Variants in ADGRL3 observed in about 807,000 individuals in gnomAD.
The protein encoded by ADGRL3 is adhesion G protein-coupled receptor L3, also known as calcium-independent alpha-latrotoxin receptor 3.
ADGRL3 carries 62 observed loss-of-function variants against 153.5 expected under a neutral mutation model. The observed-to-expected ratio is 0.40, with a 90% confidence interval of 0.33 to 0.50. The LOEUF is 0.50. Ranked by LOEUF, ADGRL3 falls within the 20% of genes least tolerant of loss-of-function variation. ADGRL3 has a pLI of 0.47. For missense variants in ADGRL3, 1,641 were observed against 1,859.4 expected, an observed-to-expected ratio of 0.88 and a Z score of 2.16; for synonymous variants, 710 against 672.5, an observed-to-expected ratio of 1.06 and a Z score of -0.86.
chr4:61,803,280 A>T (rs926907201), intron 8 of ADGRL3, among the ~76,000 whole-genome samples: 1 of 152,152 alleles, frequency 6.6e-6, no homozygotes, highest in African/African-American at 2.4e-5. Flanking sequence ...TTAATAGTGA[A>T]ATTCTAAACT....
At chr4:61,680,193 T>C (rs1497899) in intron 6 of ADGRL3, among the ~76,000 whole-genome samples, 53,702 of 151,748 alleles carry the variant, frequency 0.35, 9,996 homozygotes, top group East Asian at 0.53. Context: ...GTGAGGGAAA[T>C]TTCAGACTTA....
chr4:61,773,585 A>C (rs1276193386), intron 8 of ADGRL3, among the ~76,000 whole-genome samples: 2 of 152,200 alleles, frequency 1.3e-5, no homozygotes, highest in Non-Finnish European at 2.9e-5. Flanking sequence ...CGTTGCAGGT[A>C]CTGTGCTTAT....
chr4:62,025,173 T>C (rs1166871026), intron 21 of ADGRL3, among the ~76,000 whole-genome samples: 5 of 152,156 alleles, frequency 3.3e-5, no homozygotes, highest in African/African-American at 1.2e-4. Flanking sequence ...CTAATCTAGC[T>C]ATGCTATCTT....
At chr4:61,359,674 A>C (rs1407594525) in intron 1 of ADGRL3, among the ~76,000 whole-genome samples, 7 of 152,178 alleles carry the variant, frequency 4.6e-5, no homozygotes, top group Admixed American at 6.5e-5. Flanking sequence ...TGTAAATTTT[A>C]CATGCACTTT....
intron 5 of ADGRL3, among the ~76,000 whole-genome samples, chr4:61,669,779 C>G (rs2094929186): frequency 6.6e-6 from 1 of 152,214 alleles, no homozygotes; most frequent in East Asian, 1.9e-4. Context: ...ACAAGGCACT[C>G]TTTTTTAACA....
chr4:61,369,813 C>T (rs2096484848), intron 1 of ADGRL3, among the ~76,000 whole-genome samples: 1 of 151,982 alleles, frequency 6.6e-6, no homozygotes, highest in African/African-American at 2.4e-5. Flanking sequence ...GGTACCAGTT[C>T]CTCCTTGTAC....
intron 17 of ADGRL3, among the ~76,000 whole-genome samples, chr4:61,962,719 C>A (rs2098992543): frequency 6.6e-6 from 1 of 152,082 alleles, no homozygotes; most frequent in African/African-American, 2.4e-5. Context: ...GAATTTGGAT[C>A]ACTTGGTTAA....
intron 9 of ADGRL3, among the ~76,000 whole-genome samples, chr4:61,831,343 A>G (rs2097865364): frequency 6.7e-6 from 1 of 150,216 alleles, no homozygotes; most frequent in Non-Finnish European, 1.5e-5. Flanking sequence ...TAAAGAAACC[A>G]TGCATTTTGG....
intron 4 of ADGRL3, among the ~76,000 whole-genome samples, chr4:61,528,394 T>G (rs2098588011): frequency 1.3e-5 from 2 of 152,224 alleles, no homozygotes; most frequent in Middle Eastern, 6.8e-3. Flanking sequence ...TATCTGTTTT[T>G]CTCCTTGGAC....
At chr4:61,959,753 T>G (rs2098980819) in intron 17 of ADGRL3, among the ~76,000 whole-genome samples, 1 of 152,142 alleles carries the variant, frequency 6.6e-6, no homozygotes, top group Admixed American at 6.6e-5. Context: ...TTTAAGAAAT[T>G]AGCTTTATTA....
At chr4:61,770,918 C>T (rs2097077432) in intron 8 of ADGRL3, among the ~76,000 whole-genome samples, 1 of 152,088 alleles carries the variant, frequency 6.6e-6, no homozygotes. Flanking sequence ...GTTTTTCCTC[C>T]TTAGCTCAAC....
chr4:61,897,517 C>CCTATG (rs1159660807), intron 11 of ADGRL3, among the ~76,000 whole-genome samples: 1 of 152,134 alleles, frequency 6.6e-6, no homozygotes, highest in Non-Finnish European at 1.5e-5. Flanking sequence ...CACTCAGTTA[C>CCTATG]CTATGCTGTC....
chr4:61,685,338 C>T (rs188355146), intron 6 of ADGRL3, among the ~76,000 whole-genome samples: 3 of 152,032 alleles, frequency 2.0e-5, no homozygotes, highest in East Asian at 1.9e-4. Context: ...CCAGTGAAGA[C>T]GTTAGTCCCA....
intron 1 of ADGRL3, among the ~76,000 whole-genome samples, chr4:61,244,948 A>G (rs1025107385): frequency 2.6e-5 from 4 of 151,978 alleles, no homozygotes; most frequent in African/African-American, 9.7e-5. Flanking sequence ...TTGTTTAGAG[A>G]TAAGTGAAGG....
At chr4:61,303,981 G>A (rs1184236840) in intron 1 of ADGRL3, among the ~76,000 whole-genome samples, 1 of 152,160 alleles carries the variant, frequency 6.6e-6, no homozygotes, top group African/African-American at 2.4e-5. Flanking sequence ...AGTATTAGGA[G>A]ATAATAGATA....
intron 2 of ADGRL3, among the ~76,000 whole-genome samples, chr4:61,448,854 A>AGGGAGGGAAGGAAGGGAAGGG (rs2097633540): frequency 4.5e-4 from 2 of 4,418 alleles, no homozygotes; most frequent in South Asian, 0.014. Flanking sequence ...GAAGGGAAGG[A>AGGGAGGGAAGGAAGGGAAGGG]AGGGAGGGAA....
chr4:61,939,437 A>C (rs2098863363), intron 15 of ADGRL3, among the ~76,000 whole-genome samples: 1 of 151,588 alleles, frequency 6.6e-6, no homozygotes, highest in African/African-American at 2.4e-5. Flanking sequence ...TCTTCTTATT[A>C]CTATTTCTGT....
chr4:61,808,887 G>C (rs1291938003), intron 8 of ADGRL3, among the ~76,000 whole-genome samples: 1 of 151,376 alleles, frequency 6.6e-6, no homozygotes, highest in African/African-American at 2.4e-5. Flanking sequence ...TATGGTGTGG[G>C]TTCCCTCTTC....
chr4:61,611,686 A>C (rs1302663627), intron 5 of ADGRL3, among the ~76,000 whole-genome samples: 2 of 152,070 alleles, frequency 1.3e-5, no homozygotes, highest in East Asian at 1.9e-4. Context: ...ACTTTCAGAG[A>C]CTGGGGTTGG....
Sources: allele counts gnomAD v4.1 joint callset (sites outside exome capture counted in the v4.1 genomes callset), GRCh38; gene constraint gnomAD v4.1.1; transcripts MANE v1.5; gene names NCBI Gene and HGNC (gene_info 2026-07-23, HGNC 2026-07-21).